The following FHIP2A variants were observed in gnomAD, a reference collection of about 807,000 sequenced individuals.
The protein encoded by FHIP2A is family with sequence similarity 160 member B1.
In FHIP2A, 46 loss-of-function variants were observed where a neutral mutation model predicts 93.5. The observed-to-expected ratio is 0.49, with a 90% CI of 0.39 to 0.63. The LOEUF (loss-of-function observed/expected upper bound fraction) is 0.63, where lower values mean the gene tolerates loss of function less well. Ranked by LOEUF, FHIP2A falls within the 20% of genes least tolerant of loss-of-function variation. FHIP2A has a pLI of 0.00. For synonymous variants in FHIP2A, 332 were observed against 326.5 expected (o/e 1.02, Z -0.18); for missense variants, 769 against 909.7 (o/e 0.85, Z 1.99).
At chr10:114,860,108 A>G (rs2083789010) in intron 14 of FHIP2A, among the ~76,000 whole-genome samples, 1 of 152,232 alleles carries the variant, frequency 6.6e-6, no homozygotes, top group South Asian at 2.1e-4. Context: ...TGTAATTAAT[A>G]TTATATATGA....
chr10:114,851,714 C>CCAAAAAAA (rs774825413), intron 13 of FHIP2A, among the ~76,000 whole-genome samples: 1 of 81,948 alleles, frequency 1.2e-5, no homozygotes, highest in African/African-American at 4.9e-5. Flanking sequence ...TCCATTTCTG[C>CCAAAAAAA]AAAAAAAAAA....
At position 114,830,859 on chromosome 10, in the gene FHIP2A, C is replaced by T; in HGVS notation, c.53C>T (p.Pro18Leu). 2 of 1,606,116 alleles carry T rather than the reference C, an allele frequency of 1.2e-6. No homozygotes were observed. The highest frequency in any genetic ancestry group is 1.7e-6 in the Non-Finnish European group (2 of 1,175,982). ...ILQHAVEALAPSLPLQEDFVY... is the reference protein window; with the variant it reads ...ILQHAVEALALSLPLQEDFVY... ...GGTCTTTTGTTTGTGTAGCTTGCAC[C>T]TTCTCTTCCTTTACAAGAAGATTTT... The change falls in exon 2 of 17, where the codon CCT becomes CTT. Residue 18 changes from proline to leucine, a missense_variant. Pro to Leu is a moderately conservative substitution (Grantham distance 98). Coordinates refer to ENST00000369248, the MANE Select transcript of FHIP2A (RefSeq NM_020940.4).
intron 16 of FHIP2A, among the ~76,000 whole-genome samples, chr10:114,881,090 C>T (rs967587478): frequency 6.6e-6 from 1 of 152,228 alleles, no homozygotes; most frequent in South Asian, 2.1e-4. Context: ...GGACTTCAAA[C>T]AATCACTGTG....
intron 16 of FHIP2A, among the ~76,000 whole-genome samples, chr10:114,875,804 CAGAA>C (rs140431097): frequency 3.2e-4 from 32 of 101,088 alleles, no homozygotes; most frequent in Admixed American, 6.3e-4. Flanking sequence ...AGAAAAAGAA[CAGAA>C]AGAAAGGAAA....
chr10:114,843,325 A>G, intron 6 of FHIP2A, 99 bp downstream of exon 6: 1 of 758,522 alleles, frequency 1.3e-6, no homozygotes. Context: ...TTTTTTTTTG[A>G]GATGGAGTCT....
intron 1 of FHIP2A, among the ~76,000 whole-genome samples, chr10:114,826,842 A>G (rs1395579906): frequency 1.3e-5 from 2 of 152,176 alleles, no homozygotes; most frequent in East Asian, 3.8e-4. Context: ...AAAAATACAA[A>G]AATTAGCCAG....
At chr10:114,886,004 G>GCC (rs2083941150) in intron 16 of FHIP2A, among the ~76,000 whole-genome samples, 1 of 152,214 alleles carries the variant, frequency 6.6e-6, no homozygotes, top group East Asian at 1.9e-4. Flanking sequence ...TCAGGTGGAA[G>GCC]ATCACAACCT....
At chr10:114,823,654 A>G (rs952258411) in intron 1 of FHIP2A, among the ~76,000 whole-genome samples, 5 of 132,246 alleles carry the variant, frequency 3.8e-5, no homozygotes, top group African/African-American at 1.4e-4. Context: ...GCCACCACAC[A>G]CGGCTAATTT....
At chr10:114,879,469 A>G (rs1289171776) in intron 16 of FHIP2A, among the ~76,000 whole-genome samples, 3 of 152,232 alleles carry the variant, frequency 2.0e-5, no homozygotes, top group Non-Finnish European at 4.4e-5. Context: ...AAATACACAC[A>G]TACTCTGAGC....
At chr10:114,886,367 AT>A (rs113405253) in intron 16 of FHIP2A, among the ~76,000 whole-genome samples, 13 of 150,988 alleles carry the variant, frequency 8.6e-5, no homozygotes, top group East Asian at 7.8e-4. Context: ...TTATTTGGCT[AT>A]TTTTTTTAAT....
At chr10:114,855,379 T>G (rs1566375881) in intron 14 of FHIP2A, 39 bp downstream of exon 14, 1 of 1,542,410 alleles carries the variant, frequency 6.5e-7, no homozygotes, top group South Asian at 1.2e-5. Context: ...TATTTTTTTT[T>G]GCCATTCACC....
chr10:114,874,878 C>T (rs1290691305), intron 16 of FHIP2A, among the ~76,000 whole-genome samples: 2 of 152,176 alleles, frequency 1.3e-5, no homozygotes, highest in Non-Finnish European at 2.9e-5. Context: ...GCCACAGAGG[C>T]CCTTGGATAT....
intron 2 of FHIP2A, among the ~76,000 whole-genome samples, chr10:114,831,943 T>C (rs774991926): frequency 6.6e-6 from 1 of 152,298 alleles, no homozygotes; most frequent in South Asian, 2.1e-4. Context: ...CATTGTTTTC[T>C]CCATAAGGCT....
chr10:114,830,093 T>C (rs2083599159), intron 1 of FHIP2A, among the ~76,000 whole-genome samples: 2 of 152,192 alleles, frequency 1.3e-5, no homozygotes, highest in South Asian at 4.1e-4. Flanking sequence ...GATTACGAAG[T>C]TGACTTTGGT....
intron 2 of FHIP2A, among the ~76,000 whole-genome samples, chr10:114,831,221 A>G (rs969249386): frequency 6.6e-6 from 1 of 152,246 alleles, no homozygotes; most frequent in African/African-American, 2.4e-5. Context: ...CAGACAGTAT[A>G]TAGACAAATA....
chr10:114,892,811 C>T (rs1356440636), intron 16 of FHIP2A, among the ~76,000 whole-genome samples: 1 of 151,860 alleles, frequency 6.6e-6, no homozygotes, highest in Admixed American at 6.6e-5. Flanking sequence ...TTACATGAGA[C>T]TATGTAATGA....
intron 16 of FHIP2A, among the ~76,000 whole-genome samples, chr10:114,899,174 C>T (rs1244666101): frequency 1.3e-5 from 2 of 152,136 alleles, no homozygotes; most frequent in African/African-American, 2.4e-5. Context: ...CACAGAATCA[C>T]AGAAAGAAAA....
chr10:114,846,994 T>C, intron 11 of FHIP2A, 96 bp from the exon 12 acceptor site: 2 of 1,163,428 alleles, frequency 1.7e-6, no homozygotes, highest in Non-Finnish European at 2.4e-6. Flanking sequence ...TTAGCAAAAT[T>C]ATGTAACATT....
intron 16 of FHIP2A, among the ~76,000 whole-genome samples, chr10:114,876,533 A>T (rs1191894090): frequency 2.0e-5 from 3 of 152,148 alleles, no homozygotes; most frequent in African/African-American, 7.2e-5. Context: ...GCCTCCTTCC[A>T]CACCTGCTAC....
Sources: allele counts gnomAD v4.1 joint callset (sites outside exome capture counted in the v4.1 genomes callset), GRCh38; gene constraint gnomAD v4.1.1; transcripts MANE v1.5; gene names NCBI Gene and HGNC (gene_info 2026-07-23, HGNC 2026-07-21).